Variants in MAGI2 observed in about 807,000 individuals in gnomAD.
The protein encoded by MAGI2 is membrane-associated guanylate kinase, WW and PDZ domain-containing protein 2.
Under a neutral mutation model 133.3 loss-of-function variants are expected in MAGI2, and 35 were observed. That is an observed-to-expected ratio of 0.26 (90% confidence interval 0.20 to 0.35). The LOEUF (loss-of-function observed/expected upper bound fraction) is 0.35. Among genes scored for constraint, MAGI2 ranks in the 10% least tolerant of loss-of-function variants. The pLI, the probability that MAGI2 is intolerant of heterozygous loss-of-function variation, is 1.00. For missense variants in MAGI2, 1,636 were observed against 1,863.4 expected (o/e 0.88, Z 2.25); for synonymous variants, 729 against 710.6 (o/e 1.03, Z -0.41).
At position 78,605,532 on chromosome 7, in the gene MAGI2, A is replaced by G. The variant is rs376452564; in HGVS notation, c.538+21588T>C. 1.3e-3 allele frequency among the ~76,000 whole-genome samples: 200 copies of G among 152,342 alleles called. 1 individual carries two copies. Among genetic ancestry groups the G allele is most frequent in the African/African-American group, 4.3e-3 (180 of 41,580 alleles). On this transcript the variant is annotated intron_variant, in intron 3 of 21. Transcript: ENST00000354212. ...GAGTACTTATTATATGCTATTAACT[A>G]TGCCAGGATTTAAAAGTCCAGTAGA... is the stretch of plus-strand genomic sequence containing the variant.
chr7:78,526,280 G>T (rs373534341), intron 3 of MAGI2, among the ~76,000 whole-genome samples: 1 of 152,138 alleles, frequency 6.6e-6, no homozygotes, highest in East Asian at 1.9e-4. Flanking sequence ...AAAGGGAAAG[G>T]CAAAATTGCT....
intron 1 of MAGI2, among the ~76,000 whole-genome samples, chr7:79,317,001 GTT>G (rs1182186678): frequency 7.4e-6 from 1 of 134,238 alleles, no homozygotes; most frequent in African/African-American, 2.7e-5. Flanking sequence ...AAAATGTAGG[GTT>G]TTTTTTTTTC....
intron 2 of MAGI2, among the ~76,000 whole-genome samples, chr7:78,666,382 GAGTTCATTGTAT>G (rs1245224195): frequency 6.6e-6 from 1 of 152,168 alleles, no homozygotes; most frequent in Non-Finnish European, 1.5e-5. Context: ...AAATGTGCCT[GAGTTCATTGTAT>G]AGTTCATTGT....
intron 6 of MAGI2, among the ~76,000 whole-genome samples, chr7:78,468,450 A>G (rs1255404103): frequency 1.3e-5 from 2 of 152,120 alleles, no homozygotes; most frequent in Non-Finnish European, 2.9e-5. Context: ...TAAATTATAC[A>G]TATGCTTATA....
At chr7:79,162,899 T>C (rs547152416) in intron 1 of MAGI2, among the ~76,000 whole-genome samples, 1 of 152,088 alleles carries the variant, frequency 6.6e-6, no homozygotes, top group Non-Finnish European at 1.5e-5. Flanking sequence ...ATTGGCTTTT[T>C]ACTTAAAATA....
At chr7:79,176,612 G>C (rs1244744183) in intron 1 of MAGI2, among the ~76,000 whole-genome samples, 9 of 151,806 alleles carry the variant, frequency 5.9e-5, no homozygotes, top group African/African-American at 2.2e-4. Flanking sequence ...GAGATATATA[G>C]ATACATTAAT....
intron 16 of MAGI2, among the ~76,000 whole-genome samples, chr7:78,142,952 C>A (rs1822912914): frequency 6.6e-6 from 1 of 152,076 alleles, no homozygotes; most frequent in Non-Finnish European, 1.5e-5. Flanking sequence ...CTTTTTTGAC[C>A]TGTTTGGGTC....
At chr7:79,222,758 CCA>C (rs1830532846) in intron 1 of MAGI2, among the ~76,000 whole-genome samples, 2 of 151,948 alleles carry the variant, frequency 1.3e-5, no homozygotes, top group African/African-American at 4.8e-5. Context: ...GATAAACATT[CCA>C]GTTTCATTAT....
intron 2 of MAGI2, among the ~76,000 whole-genome samples, chr7:78,930,020 A>G (rs185343442): frequency 2.6e-5 from 4 of 152,198 alleles, no homozygotes; most frequent in Middle Eastern, 3.4e-3. Context: ...CGTCACCAGT[A>G]GAATACCTGG....
chr7:79,400,824 C>T (rs1031079612), intron 1 of MAGI2, among the ~76,000 whole-genome samples: 1 of 151,970 alleles, frequency 6.6e-6, no homozygotes, highest in African/African-American at 2.4e-5. Context: ...GTATGTTCTA[C>T]ATACTATATG....
chr7:78,361,181 G>A (rs928895671), intron 7 of MAGI2, among the ~76,000 whole-genome samples: 2 of 152,100 alleles, frequency 1.3e-5, no homozygotes, highest in Admixed American at 6.5e-5. Flanking sequence ...GGATCACGAG[G>A]TCAGGAGTTC....
intron 10 of MAGI2, among the ~76,000 whole-genome samples, chr7:78,208,584 TTTATG>T (rs1324684884): frequency 2.0e-5 from 3 of 152,270 alleles, no homozygotes; most frequent in South Asian, 2.1e-4. Flanking sequence ...CTGCTCTGGG[TTTATG>T]GCACACTGTA....
Position 78,976,713 on chromosome 7 carries a change from CAA to C in MAGI2, c.418+30375_418+30376del, listed in dbSNP as rs57312292. ...AAATGTAGAAACACCAAAAAAACTA[CAA>C]AAAAAAAACAAAAACAAAATAAATA... On this transcript the variant is annotated intron_variant, in intron 2 of 21. Coordinates refer to ENST00000354212, the MANE Select transcript of MAGI2 (RefSeq NM_012301.4). Among the ~76,000 whole-genome samples, 14 of 147,028 alleles carry C rather than the reference CAA, an allele frequency of 9.5e-5. No individual in the cohort carries two copies. In the East Asian group the frequency reaches 2.2e-3, roughly 23 times the overall value.
At chr7:78,761,188 C>T (rs1824469751) in intron 2 of MAGI2, among the ~76,000 whole-genome samples, 1 of 152,180 alleles carries the variant, frequency 6.6e-6, no homozygotes, top group Non-Finnish European at 1.5e-5. Context: ...AGAAGTTGGT[C>T]TGGGAAGAGG....
chr7:79,204,845 G>A (rs532764067), intron 1 of MAGI2, among the ~76,000 whole-genome samples: 12 of 151,856 alleles, frequency 7.9e-5, no homozygotes, highest in South Asian at 4.2e-4. Context: ...AACTGCAACC[G>A]AAATCATCAA....
At chr7:78,950,472 G>A (rs1257952123) in intron 2 of MAGI2, among the ~76,000 whole-genome samples, 1 of 152,160 alleles carries the variant, frequency 6.6e-6, no homozygotes, top group Non-Finnish European at 1.5e-5. Flanking sequence ...AGATTGCCAT[G>A]AACCTTACAC....
intron 1 of MAGI2, among the ~76,000 whole-genome samples, chr7:79,247,683 T>C (rs925819940): frequency 2.0e-5 from 3 of 151,982 alleles, no homozygotes; most frequent in African/African-American, 4.8e-5. Context: ...AAGATACAAA[T>C]AGAAACCACA....
chr7:78,640,123 A>G (rs2150986109), intron 2 of MAGI2, among the ~76,000 whole-genome samples: 1 of 152,246 alleles, frequency 6.6e-6, no homozygotes, highest in South Asian at 2.1e-4. Context: ...AATCCCCAGA[A>G]CACTGTGGTT....
chr7:78,583,131 G>A (rs1449186628), intron 3 of MAGI2, among the ~76,000 whole-genome samples: 11 of 152,110 alleles, frequency 7.2e-5, no homozygotes, highest in African/African-American at 2.7e-4. Context: ...ACCTTGAGAT[G>A]ACTTGCTAAC....
Sources: gnomAD v4.1 joint callset for allele counts (sites outside exome capture counted in the v4.1 genomes callset) on GRCh38, gnomAD v4.1.1 for gene constraint, MANE v1.5 for transcripts, NCBI Gene and HGNC (gene_info 2026-07-23, HGNC 2026-07-21) for gene names.